Variants in MAPK4 observed in about 807,000 individuals in gnomAD.
MAPK4 encodes the protein mitogen-activated protein kinase 4, also known as Erk3-related.
Under a neutral mutation model 47.7 loss-of-function variants are expected in MAPK4, and 22 were observed. That is an observed-to-expected ratio of 0.46 (90% CI 0.33 to 0.66). The LOEUF (loss-of-function observed/expected upper bound fraction) is 0.66. MAPK4 is among the 30% of genes least tolerant of loss of function. The pLI is 0.02. For synonymous variants in MAPK4, 390 were observed against 365.7 expected, an observed-to-expected ratio of 1.07 and a Z score of -0.76; for missense variants, 736 against 831.7, an observed-to-expected ratio of 0.88 and a Z score of 1.42.
At chr18:50,719,244 T>C (rs929981639) in intron 3 of MAPK4, among the ~76,000 whole-genome samples, 3 of 152,052 alleles carry the variant, frequency 2.0e-5, no homozygotes, top group Non-Finnish European at 4.4e-5. Flanking sequence ...GTGGATTTTG[T>C]GCTTTGGGTG....
At chr18:50,563,509 G>A (rs2042171924) in intron 1 of MAPK4, among the ~76,000 whole-genome samples, 1 of 152,218 alleles carries the variant, frequency 6.6e-6, no homozygotes, top group Non-Finnish European at 1.5e-5. Flanking sequence ...TCCCACAGCT[G>A]TCAAGGACCT....
At chr18:50,641,358 ATTGTGTTT>A (rs1568058027) in intron 1 of MAPK4, among the ~76,000 whole-genome samples, 2,680 of 152,194 alleles carry the variant, frequency 0.018, 80 homozygotes, top group African/African-American at 0.061. Context: ...TAGATTTTAA[ATTGTGTTT>A]AAAGGTGCTT....
At chr18:50,686,411 G>C (rs1036924441) in intron 2 of MAPK4, among the ~76,000 whole-genome samples, 14 of 152,178 alleles carry the variant, frequency 9.2e-5, no homozygotes, top group African/African-American at 3.1e-4. Flanking sequence ...TCCTCATTTA[G>C]CCAGAGCACT....
intron 2 of MAPK4, among the ~76,000 whole-genome samples, chr18:50,672,054 G>T (rs1403561719): frequency 2.0e-5 from 3 of 152,122 alleles, no homozygotes; most frequent in Admixed American, 6.5e-5. Flanking sequence ...TTCAATCTGT[G>T]ACTAAAATGG....
At chr18:50,710,481 T>G (rs769704387) in intron 2 of MAPK4, among the ~76,000 whole-genome samples, 1 of 150,388 alleles carries the variant, frequency 6.6e-6, no homozygotes, top group African/African-American at 2.5e-5. Context: ...AGACCCTATC[T>G]CAAATAAATA....
chr18:50,648,099 CAGAG>C (rs146378809), intron 1 of MAPK4, among the ~76,000 whole-genome samples: 4,513 of 147,034 alleles, frequency 0.031, 209 homozygotes, highest in African/African-American at 0.1. Context: ...AAGAAAGACC[CAGAG>C]AGAGAGAGAG....
At chr18:50,679,904 C>A (rs1908487863) in intron 2 of MAPK4, among the ~76,000 whole-genome samples, 1 of 151,962 alleles carries the variant, frequency 6.6e-6, no homozygotes, top group Non-Finnish European at 1.5e-5. Flanking sequence ...ACGCTGTCCT[C>A]CTCTACTGTC....
intron 1 of MAPK4, among the ~76,000 whole-genome samples, chr18:50,609,389 G>A (rs913262677): frequency 6.6e-6 from 1 of 151,008 alleles, no homozygotes; most frequent in South Asian, 2.1e-4. Flanking sequence ...GGCGGGGGCT[G>A]CCCCCCGCCT....
intron 3 of MAPK4, among the ~76,000 whole-genome samples, chr18:50,721,458 T>C (rs1406645164): frequency 6.6e-6 from 1 of 152,240 alleles, no homozygotes; most frequent in East Asian, 1.9e-4. Context: ...CCAAACCCAA[T>C]TTGTTATTCC....
intron 1 of MAPK4, among the ~76,000 whole-genome samples, chr18:50,563,929 C>A (rs56367672): frequency 1.3e-5 from 2 of 152,136 alleles, no homozygotes; most frequent in East Asian, 1.9e-4. Context: ...CACTTTAAGC[C>A]TCATAATGGA....
intron 1 of MAPK4, among the ~76,000 whole-genome samples, chr18:50,660,652 G>T (rs1043836565): frequency 6.6e-6 from 1 of 152,196 alleles, no homozygotes; most frequent in African/African-American, 2.4e-5. Flanking sequence ...GTTTAGAAAA[G>T]GGAGACATGT....
chr18:50,596,321 G>A (rs1202118622), intron 1 of MAPK4, among the ~76,000 whole-genome samples: 4 of 152,092 alleles, frequency 2.6e-5, no homozygotes, highest in Non-Finnish European at 4.4e-5. Flanking sequence ...TGTTATGCCT[G>A]GCCCCTGGTT....
At chr18:50,718,675 T>A (rs1910765105) in intron 3 of MAPK4, among the ~76,000 whole-genome samples, 1 of 152,238 alleles carries the variant, frequency 6.6e-6, no homozygotes, top group Admixed American at 6.5e-5. Flanking sequence ...ACTCTTTCAT[T>A]CATGATGCTA....
chr18:50,637,328 A>G (rs183709581), intron 1 of MAPK4, among the ~76,000 whole-genome samples: 108 of 152,312 alleles, frequency 7.1e-4, no homozygotes, highest in Admixed American at 2.0e-3. Flanking sequence ...AAGCAAACAA[A>G]GTAGAGATCT....
At position 50,615,689 on chromosome 18, in the gene MAPK4, T is replaced by C. The variant is rs139706845; in HGVS notation, c.-870-47400T>C. Among the ~76,000 whole-genome samples the C allele has an allele frequency of 1.9e-3, 285 of 152,360 alleles. 1 individual carries two copies. The highest frequency in any genetic ancestry group is 6.7e-3 in the African/African-American group (277 of 41,582). On this transcript the variant is annotated intron_variant, in intron 1 of 5. Transcript: ENST00000400384. ...CCATTTGGGTGACAACTGGTAATCTTTGCCACAGGTGTATTTTTTAAATAT... is the reference window on the plus strand; with the variant it reads ...CCATTTGGGTGACAACTGGTAATCTCTGCCACAGGTGTATTTTTTAAATAT...
At chr18:50,594,688 A>G (rs1045860042) in intron 1 of MAPK4, among the ~76,000 whole-genome samples, 2 of 152,234 alleles carry the variant, frequency 1.3e-5, no homozygotes, top group Non-Finnish European at 1.5e-5. Context: ...ATTAGAGATT[A>G]GGGTACAAAA....
At chr18:50,649,307 C>T (rs961206229) in intron 1 of MAPK4, among the ~76,000 whole-genome samples, 6 of 152,202 alleles carry the variant, frequency 3.9e-5, no homozygotes, top group Middle Eastern at 3.4e-3. Context: ...TGATTCAGAA[C>T]GAAAAACAAT....
At chr18:50,643,265 C>T (rs938424529) in intron 1 of MAPK4, among the ~76,000 whole-genome samples, 3 of 152,248 alleles carry the variant, frequency 2.0e-5, no homozygotes, top group Admixed American at 2.0e-4. Flanking sequence ...GTAATCCCAG[C>T]ACTTTGGGAG....
At chr18:50,641,907 T>C (rs2042944383) in intron 1 of MAPK4, among the ~76,000 whole-genome samples, 1 of 152,230 alleles carries the variant, frequency 6.6e-6, no homozygotes, top group South Asian at 2.1e-4. Flanking sequence ...GTTCTCCTCA[T>C]ATGTACTTGG....
Sources: gnomAD v4.1 joint callset for allele counts (sites outside exome capture counted in the v4.1 genomes callset) on GRCh38, gnomAD v4.1.1 for gene constraint, MANE v1.5 for transcripts, NCBI Gene and HGNC (gene_info 2026-07-23, HGNC 2026-07-21) for gene names.